The following FAAH2 variants were observed in gnomAD, a reference collection of about 807,000 sequenced individuals.
FAAH2 encodes the protein fatty-acid amide hydrolase 2.
FAAH2 carries 60 observed loss-of-function variants against 36.9 expected under a neutral mutation model. That is an observed-to-expected ratio of 1.63 (90% CI 1.32 to 2.02). FAAH2 has a LOEUF of 2.02. FAAH2 is among the 30% of genes most tolerant of loss of function. FAAH2 has a pLI of 0.00. For missense variants in FAAH2, 689 were observed against 397.5 expected (o/e 1.73, Z -6.23); for synonymous variants, 214 against 143.8 (o/e 1.49, Z -3.49).
the FAAH2 span, among the ~76,000 whole-genome samples, chrX:57,175,657 A>T: frequency 9.0e-6 from 1 of 111,157 alleles, no homozygotes; most frequent in African/African-American, 3.3e-5. Flanking sequence ...TTATTGTTTT[A>T]TAGGCCCTGT....
intron 2 of FAAH2, among the ~76,000 whole-genome samples, chrX:57,308,255 C>A (rs899334556): frequency 4.5e-5 from 5 of 111,766 alleles, no homozygotes; most frequent in African/African-American, 1.6e-4. Context: ...TTTACATTCC[C>A]ATCAACATTC....
rs754204924 is a variant in FAAH2 at position 57,473,538 on chromosome X, G to A, written c.1424-15219G>A. Among the ~76,000 whole-genome samples, 6 of 111,250 alleles carry A rather than the reference G, an allele frequency of 5.4e-5. No homozygotes were observed. The East Asian group carries it at 8.5e-4, about 16-fold the overall frequency. On this transcript the variant is annotated intron_variant, in intron 10 of 10. Coordinates refer to ENST00000374900, the MANE Select transcript of FAAH2 (RefSeq NM_174912.4). ...ATGCTATAGTGTAAATGACTACTACGTCCATTTGATCTATAATCCAGTTAA... is the reference window on the plus strand; with the variant it reads ...ATGCTATAGTGTAAATGACTACTACATCCATTTGATCTATAATCCAGTTAA...
chrX:57,223,606 C>T, the FAAH2 span, among the ~76,000 whole-genome samples: 2 of 111,332 alleles, frequency 1.8e-5, no homozygotes, highest in Non-Finnish European at 3.8e-5. Context: ...CCTTTTCCTA[C>T]CCACCAAGCC....
chrX:57,318,015 G>A (rs1244207150), intron 3 of FAAH2, among the ~76,000 whole-genome samples: 1 of 111,843 alleles, frequency 8.9e-6, no homozygotes, highest in African/African-American at 3.2e-5. Context: ...CTAAAGCAGT[G>A]TTTAGAGGGA....
chrX:57,394,164 C>T (rs747635601), intron 7 of FAAH2: 15 of 653,513 alleles, frequency 2.3e-5, no homozygotes, highest in African/African-American at 6.5e-5. Context: ...TGGGAGTAGC[C>T]GCCTCCTGCA....
the FAAH2 span, among the ~76,000 whole-genome samples, chrX:57,132,872 AACC>A: frequency 8.9e-6 from 1 of 112,060 alleles, no homozygotes; most frequent in Non-Finnish European, 1.9e-5. Context: ...ACCTCTCTGA[AACC>A]ACCTTTTGCT....
At chrX:57,448,435 A>T (rs2056724216) in intron 9 of FAAH2, 89 bp from the exon 10 acceptor site, 1 of 837,754 alleles carries the variant, frequency 1.2e-6, no homozygotes, top group Non-Finnish European at 1.6e-6. Context: ...TATAATGAAC[A>T]TGTATTACTT....
intron 7 of FAAH2, among the ~76,000 whole-genome samples, chrX:57,418,601 G>A (rs1186507333): frequency 5.4e-5 from 6 of 110,821 alleles, no homozygotes; most frequent in South Asian, 3.8e-4. Flanking sequence ...CGAGTACCTC[G>A]GTTGGAAATG....
At chrX:57,335,355 G>T (rs987613515) in intron 4 of FAAH2, among the ~76,000 whole-genome samples, 19 of 112,191 alleles carry the variant, frequency 1.7e-4, no homozygotes, top group Non-Finnish European at 3.2e-4. Context: ...GTTTCCCGGA[G>T]AGGGGGATGT....
At chrX:57,474,133 T>C (rs1221882497) in intron 10 of FAAH2, among the ~76,000 whole-genome samples, 1 of 112,161 alleles carries the variant, frequency 8.9e-6, no homozygotes, top group Non-Finnish European at 1.9e-5. Context: ...GTGAGTATCT[T>C]CCATTTGTTT....
At chrX:57,407,022 C>A (rs756772056) in intron 7 of FAAH2, among the ~76,000 whole-genome samples, 1 of 112,135 alleles carries the variant, frequency 8.9e-6, no homozygotes, top group Non-Finnish European at 1.9e-5. Context: ...CTCTCTCCTG[C>A]ATTGGAGATC....
chrX:57,207,769 G>T, the FAAH2 span, among the ~76,000 whole-genome samples: 2 of 112,584 alleles, frequency 1.8e-5, no homozygotes, highest in Non-Finnish European at 3.7e-5. Flanking sequence ...CTGCTGGCAA[G>T]GATCCACAGA....
In FAAH2 at chrX:57,341,292, C is replaced by T; in HGVS notation, c.644C>T (p.Ala215Val). 1 of 1,208,417 alleles carries T rather than the reference C, an allele frequency of 8.3e-7. No individual in the cohort carries two copies. The highest frequency in any genetic ancestry group is 1.1e-6 in the Non-Finnish European group (1 of 893,560). Residue 215 changes from alanine to valine, a missense_variant, in exon 5 of 11, where the codon GCA becomes GTA. Ala to Val is a moderately conservative substitution (Grantham distance 64). Transcript: ENST00000374900. ...GSSGGEGCTL[A>V]AACSVIGVGS... The stretch of plus-strand genomic sequence containing the variant: ...GTAGGTGGTGAGGGCTGCACACTGG[C>T]AGCTGCCTGCTCAGTTATTGGTGTG...
chrX:57,217,924 G>A, the FAAH2 span, among the ~76,000 whole-genome samples: 2 of 111,524 alleles, frequency 1.8e-5, no homozygotes, highest in Admixed American at 9.5e-5. Context: ...CATGGCATGT[G>A]TTTCCATTTG....
the FAAH2 span, among the ~76,000 whole-genome samples, chrX:57,159,973 T>A: frequency 9.0e-6 from 1 of 111,660 alleles, no homozygotes; most frequent in Non-Finnish European, 1.9e-5. Context: ...TGACTGTGGG[T>A]TTGTCATAGA....
intron 10 of FAAH2, among the ~76,000 whole-genome samples, chrX:57,482,933 C>T (rs1397043080): frequency 9.1e-6 from 1 of 109,904 alleles, no homozygotes; most frequent in African/African-American, 3.3e-5. Flanking sequence ...CTCTACCTAT[C>T]TTTAATGTTT....
chrX:57,242,364 G>A, the FAAH2 span, among the ~76,000 whole-genome samples: 7 of 112,177 alleles, frequency 6.2e-5, no homozygotes, highest in Non-Finnish European at 1.3e-4. Flanking sequence ...GCAGAAAAGG[G>A]GCCTGATTGT....
chrX:57,131,351 C>T, the FAAH2 span, among the ~76,000 whole-genome samples: 1 of 110,947 alleles, frequency 9.0e-6, no homozygotes. Context: ...TCCCAAAGTG[C>T]TGGGATTACA....
the FAAH2 span, among the ~76,000 whole-genome samples, chrX:57,151,984 C>A: frequency 2.7e-5 from 3 of 111,962 alleles, no homozygotes; most frequent in East Asian, 2.8e-4. Flanking sequence ...ACAGACAGGA[C>A]CCTGAGGCCT....
Sources: gnomAD v4.1 joint callset for allele counts (sites outside exome capture counted in the v4.1 genomes callset) on GRCh38, gnomAD v4.1.1 for gene constraint, MANE v1.5 for transcripts, NCBI Gene and HGNC (gene_info 2026-07-23, HGNC 2026-07-21) for gene names.